The following SAMSN1 variants were observed in gnomAD, a reference collection of about 807,000 sequenced individuals.
SAMSN1 encodes the protein SAM domain-containing protein SAMSN-1.
A neutral mutation model predicts 42.0 loss-of-function variants in SAMSN1; 31 were observed. The observed-to-expected ratio is 0.74, with a 90% CI of 0.55 to 1.00. SAMSN1 has a LOEUF of 1.00. SAMSN1 is among the 50% of genes least tolerant of loss of function. The pLI, the probability that SAMSN1 is intolerant of heterozygous loss-of-function variation, is 0.00. For synonymous variants in SAMSN1, 178 were observed against 151.9 expected, an observed-to-expected ratio of 1.17 and a Z score of -1.26; for missense variants, 464 against 439.4, an observed-to-expected ratio of 1.06 and a Z score of -0.50.
At chr21:14,639,780 C>T (rs1173545782) in intron 2 of SAMSN1, among the ~76,000 whole-genome samples, 3 of 151,988 alleles carry the variant, frequency 2.0e-5, no homozygotes, top group Non-Finnish European at 2.9e-5. Flanking sequence ...TACTTAGCCG[C>T]ATGCTTGTTC....
chr21:14,645,777 A>T (rs1367682496), intron 1 of SAMSN1, among the ~76,000 whole-genome samples: 1 of 152,250 alleles, frequency 6.6e-6, no homozygotes, highest in Non-Finnish European at 1.5e-5. Flanking sequence ...CGGATAAGGA[A>T]TTCAGAATTC....
chr21:14,566,716 T>C (rs1981131109), intron 2 of SAMSN1, among the ~76,000 whole-genome samples: 1 of 152,146 alleles, frequency 6.6e-6, no homozygotes, highest in Non-Finnish European at 1.5e-5. Context: ...TTTTGTATTT[T>C]TAGTACAGAT....
intron 2 of SAMSN1, among the ~76,000 whole-genome samples, chr21:14,634,663 A>C (rs1022599389): frequency 1.3e-5 from 2 of 152,152 alleles, no homozygotes; most frequent in African/African-American, 4.8e-5. Context: ...GTCAAGAAAA[A>C]ACAGATGCTG....
intron 1 of SAMSN1, among the ~76,000 whole-genome samples, chr21:14,522,446 C>A (rs765169631): frequency 1.4e-4 from 22 of 152,220 alleles, no homozygotes; most frequent in Non-Finnish European, 2.5e-4. Context: ...ATTTTAAAAA[C>A]AAACTGGTGG....
At chr21:14,616,071 A>G in intron 2 of SAMSN1, 1 of 520,052 alleles carries the variant, frequency 1.9e-6, no homozygotes, top group Non-Finnish European at 3.6e-6. Flanking sequence ...AATAAGACAA[A>G]ACTATATCAA....
At chr21:14,581,984 G>A (rs984577539) in intron 2 of SAMSN1, among the ~76,000 whole-genome samples, 1 of 152,152 alleles carries the variant, frequency 6.6e-6, no homozygotes, top group Non-Finnish European at 1.5e-5. Context: ...AAAGTCACAA[G>A]AGTTTGGTTG....
In SAMSN1 at chr21:14,625,037, C is replaced by T. The variant is rs545320123; in HGVS notation, c.157-9021G>A. ...ACCAACGACAAAAACCACATGATTA[C>T]CTCAATAGATGCAGAAAAGGCCTTT... On this transcript the variant is annotated intron_variant, in intron 2 of 15. Transcript: ENST00000647101. Among the ~76,000 whole-genome samples, 760 of 152,054 alleles carry T rather than the reference C, an allele frequency of 5.0e-3. 5 individuals carry two copies. Among genetic ancestry groups the T allele is most frequent in the African/African-American group, 0.014 (567 of 41,484 alleles).
At chr21:14,602,251 TTTTC>T (rs1419863633) in intron 5 of SAMSN1, among the ~76,000 whole-genome samples, 1 of 150,634 alleles carries the variant, frequency 6.6e-6, no homozygotes, top group African/African-American at 2.5e-5. Context: ...TATATGCTAT[TTTTC>T]TTTTTTTTTA....
intron 7 of SAMSN1, among the ~76,000 whole-genome samples, chr21:14,493,613 A>ACACACACACACACACG (rs1555826735): frequency 2.0e-5 from 3 of 150,918 alleles, no homozygotes; most frequent in African/African-American, 7.4e-5. Flanking sequence ...ACACACACAC[A>ACACACACACACACACG]TATTTTCTGT....
intron 1 of SAMSN1, among the ~76,000 whole-genome samples, chr21:14,644,709 C>T (rs1010475535): frequency 4.6e-5 from 7 of 152,150 alleles, no homozygotes; most frequent in African/African-American, 1.7e-4. Flanking sequence ...AGAGCACTGA[C>T]TGGGCTCTTG....
At chr21:14,624,590 C>A (rs1173333426) in intron 2 of SAMSN1, among the ~76,000 whole-genome samples, 1 of 152,136 alleles carries the variant, frequency 6.6e-6, no homozygotes, top group Non-Finnish European at 1.5e-5. Flanking sequence ...GAATGTGAAT[C>A]CCTGAATAGA....
intron 2 of SAMSN1, among the ~76,000 whole-genome samples, chr21:14,634,796 C>G (rs1031614593): frequency 6.6e-6 from 1 of 152,110 alleles, no homozygotes; most frequent in Non-Finnish European, 1.5e-5. Flanking sequence ...CCATTTGACC[C>G]GGAAATACAA....
At position 14,501,652 on chromosome 21, in the gene SAMSN1, T is replaced by G. The variant is rs1987157834; in HGVS notation, c.562-917A>C. ...ATCTATGGTATAAAATAAACCCATTTCAAGTATTTCATTCATCTAAAATAA... is the reference window on the plus strand; with the variant it reads ...ATCTATGGTATAAAATAAACCCATTGCAAGTATTTCATTCATCTAAAATAA... On this transcript the variant is annotated intron_variant, in intron 5 of 7. Transcript: ENST00000400566. Among the ~76,000 whole-genome samples, 3 of 152,106 alleles carry G rather than the reference T, an allele frequency of 2.0e-5. No homozygotes were observed. In the South Asian group the frequency reaches 6.3e-4, roughly 32 times the overall value.
intron 1 of SAMSN1, among the ~76,000 whole-genome samples, chr21:14,529,723 C>T (rs1979115916): frequency 6.6e-6 from 1 of 152,138 alleles, no homozygotes; most frequent in Admixed American, 6.5e-5. Context: ...TTCCTATAAG[C>T]AGGTTATATT....
chr21:14,540,707 T>C (rs917906118), intron 1 of SAMSN1, among the ~76,000 whole-genome samples: 3 of 152,306 alleles, frequency 2.0e-5, no homozygotes, highest in African/African-American at 7.2e-5. Flanking sequence ...AGTTCAACCA[T>C]TGTGGAAGAC....
At chr21:14,498,706 A>T in intron 6 of SAMSN1, 114 bp from the exon 7 acceptor site, 1 of 712,328 alleles carries the variant, frequency 1.4e-6, no homozygotes, top group Non-Finnish European at 2.2e-6. Context: ...GTGCCAATAG[A>T]ACTTTTACTT....
At chr21:14,554,477 A>G (rs1002668463) in intron 2 of SAMSN1, among the ~76,000 whole-genome samples, 2 of 151,760 alleles carry the variant, frequency 1.3e-5, no homozygotes, top group Admixed American at 6.6e-5. Context: ...CATTTTTACA[A>G]TTTTCCTTCT....
At chr21:14,636,573 T>C (rs1983471972) in intron 2 of SAMSN1, among the ~76,000 whole-genome samples, 1 of 152,202 alleles carries the variant, frequency 6.6e-6, no homozygotes, top group Admixed American at 6.5e-5. Context: ...CCAGGCATGG[T>C]GGCTCAAGCT....
intron 2 of SAMSN1, among the ~76,000 whole-genome samples, chr21:14,621,171 G>A (rs2125757): frequency 0.012 from 1,772 of 152,270 alleles, 37 homozygotes; most frequent in African/African-American, 0.041. Context: ...AAAGGTAATA[G>A]ACAGGGTGGT....
Sources: gnomAD v4.1 joint callset for allele counts (sites outside exome capture counted in the v4.1 genomes callset) on GRCh38, gnomAD v4.1.1 for gene constraint, MANE v1.5 for transcripts, NCBI Gene and HGNC (gene_info 2026-07-23, HGNC 2026-07-21) for gene names.